Variants in IFFO2 observed in about 807,000 individuals in gnomAD.
IFFO2 encodes intermediate filament family orphan 2.
A neutral mutation model predicts 53.5 loss-of-function variants in IFFO2; 19 were observed. The observed-to-expected ratio is 0.36, with a 90% CI of 0.25 to 0.52. IFFO2 has a LOEUF of 0.52. Ranked by LOEUF, IFFO2 falls within the 20% of genes least tolerant of loss-of-function variation. The pLI, the probability that IFFO2 is intolerant of heterozygous loss-of-function variation, is 0.94. For missense variants in IFFO2, 570 were observed against 727.4 expected (o/e 0.78, Z 2.49); for synonymous variants, 303 against 313.6 (o/e 0.97, Z 0.36).
At chr1:18,909,541 T>G (rs1487659436) in intron 8 of IFFO2, among the ~76,000 whole-genome samples, 1 of 152,144 alleles carries the variant, frequency 6.6e-6, no homozygotes, top group Non-Finnish European at 1.5e-5. Context: ...AATTGAATCG[T>G]GGGGGCGGTT....
rs572127635 is a variant in IFFO2, at chr1:18,947,597, C to T, written c.665+8071G>A. On this transcript the variant is annotated intron_variant, in intron 1 of 8. Transcript: ENST00000455833. The surrounding 1 kb of genome is among the most constrained non-coding windows in gnomAD (Gnocchi z 5.0). ...TGCCACCACCGGGTTTAAATGAGAC[C>T]GCGTGGAAATCACCAGACGGGTCAT... Among the ~76,000 whole-genome samples, 4 of 152,204 alleles carry T rather than the reference C, an allele frequency of 2.6e-5. No individual in the cohort carries two copies. In the South Asian group the frequency reaches 8.3e-4, roughly 32 times the overall value.
At chr1:18,949,665 C>T (rs944384443) in intron 1 of IFFO2, among the ~76,000 whole-genome samples, 3 of 152,250 alleles carry the variant, frequency 2.0e-5, no homozygotes, top group Admixed American at 6.5e-5. Context: ...CAGCAAAGGG[C>T]GTGTTCAAAT....
intron 1 of IFFO2, among the ~76,000 whole-genome samples, chr1:18,952,968 C>A (rs1569870858): frequency 6.6e-6 from 1 of 152,216 alleles, no homozygotes; most frequent in African/African-American, 2.4e-5. Flanking sequence ...GCTTGAAGAT[C>A]GCTGAGCCTC....
rs1453539652 is a variant in IFFO2, at chr1:18,917,056, G to A, written c.964-14C>T. 2 of 1,551,874 alleles carry A rather than the reference G, an allele frequency of 1.3e-6. No homozygotes were observed. The highest frequency in any genetic ancestry group is 2.7e-5 in the African/African-American group (2 of 73,042). On this transcript the variant is annotated splice_polypyrimidine_tract_variant and intron_variant, in intron 4 of 8. Coordinates refer to ENST00000455833, the MANE Select transcript of IFFO2 (RefSeq NM_001136265.2). This position sits in a 1 kb window ranked among gnomAD's most constrained non-coding sequence, Gnocchi z 5.9. ...TTTGGGGACCACCTGAACCGGAAAG[G>A]AAGCAATCAAGGTAACTGGGGGGCT...
At chr1:18,913,205 G>C (rs558909674) in intron 5 of IFFO2, among the ~76,000 whole-genome samples, 1 of 152,196 alleles carries the variant, frequency 6.6e-6, no homozygotes. Context: ...AAGCTGCCTC[G>C]AGCGCCCCCT....
At chr1:18,922,161 G>T (rs1364941539) in intron 1 of IFFO2, among the ~76,000 whole-genome samples, 1 of 152,186 alleles carries the variant, frequency 6.6e-6, no homozygotes, top group Non-Finnish European at 1.5e-5. Context: ...CTCCAGACTG[G>T]TTGCTCAGAA....
rs756160453 is a variant in IFFO2 at position 18,921,042 on chromosome 1, G to T, written c.726+19C>A. The T allele has an allele frequency of 6.4e-7, 1 of 1,550,888 alleles. No individual in the cohort carries two copies. Among genetic ancestry groups the T allele is most frequent in the Non-Finnish European group, 8.7e-7 (1 of 1,146,214 alleles). On this transcript the variant is annotated intron_variant, in intron 2 of 8. Coordinates refer to ENST00000455833, the MANE Select transcript of IFFO2 (RefSeq NM_001136265.2). ...TCTCTGGCGTGCCTCTCCTGGTCGG[G>T]ATATCGGAGGGCTCTTACCTCCTGC...
intron 1 of IFFO2, among the ~76,000 whole-genome samples, chr1:18,941,397 T>C (rs911021463): frequency 8.5e-5 from 13 of 152,228 alleles, no homozygotes; most frequent in African/African-American, 3.1e-4. Context: ...AAGCAGCCTT[T>C]GTCTCACAGA....
chr1:18,932,536 T>C (rs1363398942), intron 1 of IFFO2, among the ~76,000 whole-genome samples: 1 of 152,222 alleles, frequency 6.6e-6, no homozygotes, highest in Non-Finnish European at 1.5e-5. Flanking sequence ...CCAGGTCCCC[T>C]AGCTTTGAGC....
rs764558061 is a variant in IFFO2 at position 18,919,785 on chromosome 1, G to A, written c.727-12C>T. ...GCCTCCTGTGCTGCCTGCGGGGACG[G>A]AGATGGGGAGGCTTCAGAGGGGCCG... is the stretch of plus-strand genomic sequence containing the variant. On this transcript the variant is annotated splice_polypyrimidine_tract_variant and intron_variant, in intron 2 of 8. Coordinates refer to ENST00000455833, the MANE Select transcript of IFFO2 (RefSeq NM_001136265.2). This position sits in a 1 kb window ranked among gnomAD's most constrained non-coding sequence, Gnocchi z 4.9. 2 of 1,541,928 alleles carry A rather than the reference G, an allele frequency of 1.3e-6. No homozygotes were observed. Among genetic ancestry groups the A allele is most frequent in the East Asian group, 2.4e-5 (1 of 40,862 alleles).
intron 1 of IFFO2, among the ~76,000 whole-genome samples, chr1:18,923,733 G>A (rs996517412): frequency 1.3e-5 from 2 of 152,194 alleles, no homozygotes; most frequent in African/African-American, 2.4e-5. Context: ...CCTAGAATGT[G>A]CATACCAATC....
chr1:18,947,003 C>T lies in IFFO2; in HGVS notation c.665+8665G>A, dbSNP rs928433123. On this transcript the variant is annotated intron_variant, in intron 1 of 8. Transcript: ENST00000455833. The surrounding 1 kb of genome is among the most constrained non-coding windows in gnomAD (Gnocchi z 5.0). ...ACATGCTGTTGTCACATGATGCTGC[C>T]ACATGGCATGACACATTTGTCTATG... Among the ~76,000 whole-genome samples the T allele has an allele frequency of 6.6e-6, 1 of 152,210 alleles. No individual in the cohort carries two copies. The highest frequency in any genetic ancestry group is 1.5e-5 in the Non-Finnish European group (1 of 68,042).
At chr1:18,930,512 C>A (rs1159130721) in intron 1 of IFFO2, among the ~76,000 whole-genome samples, 1 of 152,218 alleles carries the variant, frequency 6.6e-6, no homozygotes, top group Admixed American at 6.5e-5. Context: ...CCCCCGTCAG[C>A]AAAACCCACT....
intron 1 of IFFO2, among the ~76,000 whole-genome samples, chr1:18,938,672 T>A (rs1312432526): frequency 1.3e-5 from 2 of 152,028 alleles, no homozygotes; most frequent in African/African-American, 2.4e-5. Flanking sequence ...ACAAGGAAGC[T>A]CCGACCACAC....
intron 5 of IFFO2, among the ~76,000 whole-genome samples, chr1:18,913,779 G>A (rs1936082952): frequency 1.3e-5 from 2 of 152,096 alleles, no homozygotes; most frequent in African/African-American, 2.4e-5. Flanking sequence ...GGGGGTGGGG[G>A]GTGATCAAAG....
chr1:18,931,970 A>G (rs527934196), intron 1 of IFFO2, among the ~76,000 whole-genome samples: 11 of 152,320 alleles, frequency 7.2e-5, no homozygotes, highest in Admixed American at 6.5e-4. Context: ...CTTATTTCTC[A>G]GCGCCAGAGA....
chr1:18,940,790 C>T lies in IFFO2; in HGVS notation c.665+14878G>A, dbSNP rs756656418. Among the ~76,000 whole-genome samples the T allele has an allele frequency of 5.9e-5, 9 of 152,142 alleles. No homozygotes were observed. In the East Asian group the frequency reaches 9.6e-4, roughly 16 times the overall value. On this transcript the variant is annotated intron_variant, in intron 1 of 8. Coordinates refer to ENST00000455833, the MANE Select transcript of IFFO2 (RefSeq NM_001136265.2). The stretch of plus-strand genomic sequence containing the variant: ...ATCCAAATCCCTTCTTTAACTTGTA[C>T]GTACACGTGCAAATACCTAAACATG...
In IFFO2 at chr1:18,924,064, C is replaced by T. The variant is rs550747226; in HGVS notation, c.666-2943G>A. On this transcript the variant is annotated intron_variant, in intron 1 of 8. Transcript: ENST00000455833. ...CTCCCAGGAGGTTGAGGACAGACCC[C>T]GCATGTGGACAGCAGCTGGCTTGAC... 4.6e-5 allele frequency among the ~76,000 whole-genome samples: 7 copies of T among 152,356 alleles called. No individual in the cohort carries two copies. The East Asian group carries it at 5.8e-4, about 13-fold the overall frequency.
chr1:18,949,438 T>A (rs189379815), intron 1 of IFFO2, among the ~76,000 whole-genome samples: 1 of 152,150 alleles, frequency 6.6e-6, no homozygotes, highest in African/African-American at 2.4e-5. Flanking sequence ...AAGCAACACA[T>A]CCCTAATCCT....
Sources: allele counts gnomAD v4.1 joint callset (sites outside exome capture counted in the v4.1 genomes callset), GRCh38; gene constraint gnomAD v4.1.1; non-coding constraint Gnocchi (gnomAD v3.1); transcripts MANE v1.5; gene names NCBI Gene and HGNC (gene_info 2026-07-23, HGNC 2026-07-21).